Variants in ZNF709 observed in about 807,000 individuals in gnomAD.
The protein encoded by ZNF709 is zinc finger protein 709.
In ZNF709, 15 loss-of-function variants were observed where a neutral mutation model predicts 10.6. The observed-to-expected ratio is 1.41, with a 90% CI of 0.95 to 2.18. The LOEUF (loss-of-function observed/expected upper bound fraction) is 2.18, where lower values mean the gene tolerates loss of function less well. Ranked by LOEUF, ZNF709 falls within the 30% of genes most tolerant of loss-of-function variation. The probability of loss-of-function intolerance (pLI) is 0.00; values close to 1 mark genes in which losing one functional copy is unlikely to be tolerated. For missense variants in ZNF709, 589 were observed against 774.0 expected, an observed-to-expected ratio of 0.76 and a Z score of 2.84; for synonymous variants, 194 against 238.8, an observed-to-expected ratio of 0.81 and a Z score of 1.73.
chr19:12,484,030 A>C (rs1010704434), intron 1 of ZNF709, among the ~76,000 whole-genome samples: 3 of 152,222 alleles, frequency 2.0e-5, no homozygotes, highest in African/African-American at 7.2e-5. Context: ...AGCATACGTT[A>C]AATCTTTTTA....
chr19:12,477,525 C>T (rs962452667), intron 1 of ZNF709, among the ~76,000 whole-genome samples: 1 of 152,110 alleles, frequency 6.6e-6, no homozygotes, highest in Non-Finnish European at 1.5e-5. Context: ...ACTTATTTGT[C>T]TTCTATTTTA....
At chr19:12,470,536 C>G (rs924128430) in intron 1 of ZNF709, among the ~76,000 whole-genome samples, 33 of 152,118 alleles carry the variant, frequency 2.2e-4, no homozygotes, top group Non-Finnish European at 8.8e-5. Flanking sequence ...ATAAAAAGTT[C>G]ACATATGATT....
intron 1 of ZNF709, among the ~76,000 whole-genome samples, chr19:12,469,883 CAG>C (rs1970620657): frequency 1.3e-5 from 2 of 152,170 alleles, no homozygotes. Flanking sequence ...CTCTTTCCCT[CAG>C]AAACCTAACA....
At chr19:12,467,829 C>T (rs1970591521) in intron 1 of ZNF709, among the ~76,000 whole-genome samples, 1 of 147,448 alleles carries the variant, frequency 6.8e-6, no homozygotes, top group South Asian at 2.2e-4. Context: ...TCTGCCCGGC[C>T]GCAACCCCGT....
At chr19:12,475,753 A>G (rs754686152) in intron 1 of ZNF709, among the ~76,000 whole-genome samples, 14 of 152,194 alleles carry the variant, frequency 9.2e-5, no homozygotes, top group Middle Eastern at 3.2e-3. Context: ...TAGATTGGGA[A>G]CAAAGAAATA....
chr19:12,464,807 G>T lies in ZNF709; in HGVS notation c.1115C>A (p.Ala372Asp), dbSNP rs745848959. The T allele has an allele frequency of 6.2e-7, 1 of 1,613,466 alleles. No homozygotes were observed. Among genetic ancestry groups the T allele is most frequent in the Non-Finnish European group, 8.5e-7 (1 of 1,179,738 alleles). ...TTGAAAAGAACTAGGACAATCAAAG[G>T]CTTTCCCACATTCCTTGCATTTATA... The part of the protein sequence containing the change: ...GPYKCKECGK[A>D]FDCPSSFQIH... The change falls in exon 4 of 4, where the codon GCC becomes GAC. Residue 372 changes from alanine (A) to aspartate (D), a missense_variant. Physicochemically the swap from Ala to Asp is moderately radical, Grantham distance 126. Transcript: ENST00000397732.
Position 12,484,677 on chromosome 19 carries a change from C to T in ZNF709, c.-20G>A. On this transcript the variant is annotated 5_prime_UTR_variant, in exon 1 of 4. Coordinates refer to ENST00000397732, the MANE Select transcript of ZNF709 (RefSeq NM_152601.4). ...TACCATTTCCCAGACTCTGGGATGT[C>T]CTGGTGTTCTGTTTACCTCTCCCGC... The T allele has an allele frequency of 1.2e-6, 2 of 1,614,042 alleles. No homozygotes were observed. The highest frequency in any genetic ancestry group is 1.7e-6 in the Non-Finnish European group (2 of 1,179,948).
intron 1 of ZNF709, among the ~76,000 whole-genome samples, chr19:12,475,114 C>T (rs1228923726): frequency 1.1e-4 from 16 of 151,618 alleles, no homozygotes; most frequent in African/African-American, 3.9e-4. Context: ...AAAAATTAGC[C>T]GGGCATGGTG....
rs1390549323 is a variant in ZNF709, at chr19:12,465,515, C to A, written c.407G>T (p.Gly136Val). The A allele has an allele frequency of 6.2e-7, 1 of 1,610,574 alleles. No homozygotes were observed. Among genetic ancestry groups the A allele is most frequent in the Admixed American group, 1.7e-5 (1 of 59,182 alleles). ...TTCCTTACATTCATATGATTTCTCTCCATATTTGTGATATTCATATGATCT... is the reference window on the plus strand; with the variant it reads ...TTCCTTACATTCATATGATTTCTCTACATATTTGTGATATTCATATGATCT... ...EHRSYEYHKY[G>V]EKSYECKECG... The change falls in exon 4 of 4, where the codon GGA (glycine) becomes GTA (valine). Residue 136 changes from glycine (G) to valine (V), a missense_variant. By Grantham distance (109) the Gly-to-Val change is moderately radical (BLOSUM62 -3). Around this residue, in one of 2 missense-constraint regions of ZNF709, gnomAD observed 418 missense variants for 496.3 expected, o/e 0.84. Coordinates refer to ENST00000397732, the MANE Select transcript of ZNF709 (RefSeq NM_152601.4).
rs960165471 is a variant in ZNF709 at position 12,464,188 on chromosome 19, A to G, written c.1734T>C (p.His578=). 2.5e-6 allele frequency: 4 copies of G among 1,580,018 alleles called. No homozygotes were observed. The Admixed American group carries it at 5.6e-5, about 22-fold the overall frequency. The part of the protein sequence containing the change: ...AFSCSSSVRM[H]ERTHTGVKPY... The stretch of plus-strand genomic sequence containing the variant: ...GTTTCACTCCAGTGTGAGTCCTTTC[A>G]TGCATTCGAACAGAACTAGAACAAC... Residue 578 remains histidine (H), a synonymous_variant, in exon 4 of 4, where the codon CAT becomes CAC. Transcript: ENST00000397732.
intron 1 of ZNF709, 118 bp from the exon 2 acceptor site, chr19:12,466,968 C>A (rs913342793): frequency 4.3e-5 from 60 of 1,407,084 alleles, no homozygotes; most frequent in Middle Eastern, 3.8e-4. Context: ...ACTTTGTCAT[C>A]AGAACTCAAA....
At chr19:12,468,320 T>G (rs1970602570) in intron 1 of ZNF709, among the ~76,000 whole-genome samples, 1 of 152,132 alleles carries the variant, frequency 6.6e-6, no homozygotes, top group South Asian at 2.1e-4. Context: ...GAAGTAGACA[T>G]GGGAGACTTT....
chr19:12,475,738 A>G (rs569787520), intron 1 of ZNF709, among the ~76,000 whole-genome samples: 2 of 152,310 alleles, frequency 1.3e-5, no homozygotes, highest in African/African-American at 4.8e-5. Flanking sequence ...AGGAGAGAAG[A>G]GATATAGATT....
In ZNF709 at chr19:12,484,712, A is replaced by G; in HGVS notation, c.-55T>C. On this transcript the variant is annotated 5_prime_UTR_variant, in exon 1 of 4. Transcript: ENST00000397732. ...TGTTTACCTCTCCCGCGGCCAGCAC[A>G]GGTCCTACCTCCACCTGAGGCCCTT... 1 of 1,613,380 alleles carries G rather than the reference A, an allele frequency of 6.2e-7. No individual in the cohort carries two copies. Among genetic ancestry groups the G allele is most frequent in the East Asian group, 2.2e-5 (1 of 44,822 alleles).
At chr19:12,465,825 G>A in intron 3 of ZNF709, 92 bp from the exon 4 acceptor site, 3 of 1,058,144 alleles carry the variant, frequency 2.8e-6, no homozygotes, top group South Asian at 5.0e-5. Context: ...TCATTAGTAG[G>A]TAGTAGAATT....
At chr19:12,484,573 C>A in intron 1 of ZNF709, 82 bp downstream of exon 1, 1 of 1,552,756 alleles carries the variant, frequency 6.4e-7, no homozygotes. Context: ...GCGGGGAGGC[C>A]TGGGTCCCAC....
Position 12,468,556 on chromosome 19 carries a change from C to T in ZNF709, c.4-1706G>A, listed in dbSNP as rs528315242. Among the ~76,000 whole-genome samples, 599 of 151,072 alleles carry T rather than the reference C, an allele frequency of 4.0e-3. 5 individuals carry two copies. The highest frequency in any genetic ancestry group is 0.014 in the African/African-American group (560 of 41,130). On this transcript the variant is annotated intron_variant, in intron 1 of 3. Transcript: ENST00000397732. ...CAAGTACCCAGGGACACAAACACTG[C>T]GGAAGGCCGCAGGGTCCTCTGCCTA... is the stretch of plus-strand genomic sequence containing the variant.
intron 1 of ZNF709, among the ~76,000 whole-genome samples, chr19:12,472,231 G>A (rs534127036): frequency 3.9e-5 from 6 of 152,164 alleles, no homozygotes; most frequent in South Asian, 2.1e-4. Context: ...ATTTAAAAAC[G>A]GAAACACAGG....
chr19:12,477,947 G>A (rs1221116001), intron 1 of ZNF709, among the ~76,000 whole-genome samples: 1 of 152,240 alleles, frequency 6.6e-6, no homozygotes, highest in Middle Eastern at 3.4e-3. Flanking sequence ...TGTCCCTCAT[G>A]GTTGCTTTAT....
Sources: gnomAD v4.1 joint callset for allele counts (sites outside exome capture counted in the v4.1 genomes callset) on GRCh38, gnomAD v4.1.1 for gene constraint, gnomAD v4.1.1 regional missense constraint, MANE v1.5 for transcripts, NCBI Gene and HGNC (gene_info 2026-07-23, HGNC 2026-07-21) for gene names.